The following PARD3B variants were observed in gnomAD, a reference collection of about 807,000 sequenced individuals.
The protein encoded by PARD3B is partitioning defective 3 homolog B.
PARD3B carries 103 observed loss-of-function variants against 130.2 expected under a neutral mutation model. That is an observed-to-expected ratio of 0.79 (90% CI 0.67 to 0.93). The LOEUF is 0.93. Among genes scored for constraint, PARD3B ranks in the 40% least tolerant of loss-of-function variants. The pLI is 0.00. For missense variants in PARD3B, 1,609 were observed against 1,499.2 expected, an observed-to-expected ratio of 1.07 and a Z score of -1.21; for synonymous variants, 583 against 553.2, an observed-to-expected ratio of 1.05 and a Z score of -0.76.
chr2:205,061,732 G>A (rs1020509450), intron 4 of PARD3B, among the ~76,000 whole-genome samples: 3 of 150,958 alleles, frequency 2.0e-5, no homozygotes, highest in Admixed American at 6.6e-5. Context: ...TTCCAAAGTC[G>A]AGCATTAAAT....
chr2:205,594,001 C>T (rs1355936940), intron 22 of PARD3B, among the ~76,000 whole-genome samples: 1 of 152,172 alleles, frequency 6.6e-6, no homozygotes, highest in Non-Finnish European at 1.5e-5. Flanking sequence ...GAAACCAATG[C>T]ACAGATAAGT....
At position 205,185,644 on chromosome 2, in the gene PARD3B, T is replaced by C. The variant is rs2036054750; in HGVS notation, c.1925-120T>C. On this transcript the variant is annotated intron_variant, in intron 13 of 22. Coordinates refer to ENST00000406610, the MANE Select transcript of PARD3B (RefSeq NM_001302769.2). ...CTTCAGTTCTGTATGAGAACTTATT[T>C]ATTTCAGGGCTGGTTTATGTGTTGG... 8 of 713,460 alleles carry C rather than the reference T, an allele frequency of 1.1e-5. No individual in the cohort carries two copies. In the Admixed American group the frequency reaches 1.3e-4, roughly 12 times the overall value. 44.2% of individuals were successfully genotyped at this position (713,460 alleles called of 1,614,324 possible).
At chr2:204,919,144 G>A (rs538571718) in intron 2 of PARD3B, among the ~76,000 whole-genome samples, 25 of 152,100 alleles carry the variant, frequency 1.6e-4, no homozygotes, top group African/African-American at 5.1e-4. Flanking sequence ...CTTTCAAGGC[G>A]TCTTATTTTT....
intron 1 of PARD3B, among the ~76,000 whole-genome samples, chr2:204,548,178 A>G (rs2030151084): frequency 6.6e-6 from 1 of 152,228 alleles, no homozygotes; most frequent in African/African-American, 2.4e-5. Flanking sequence ...TAAAAGGTCA[A>G]TAAATACCCT....
At chr2:205,601,805 AATC>A (rs2054796505) in intron 22 of PARD3B, among the ~76,000 whole-genome samples, 1 of 145,614 alleles carries the variant, frequency 6.9e-6, no homozygotes. Flanking sequence ...CTAGATATAG[AATC>A]ATGTCATCTG....
intron 22 of PARD3B, among the ~76,000 whole-genome samples, chr2:205,599,269 T>C (rs1007063544): frequency 8.5e-5 from 13 of 152,202 alleles, no homozygotes; most frequent in African/African-American, 3.1e-4. Context: ...AGGCTCATGG[T>C]AGATCTTACA....
intron 18 of PARD3B, among the ~76,000 whole-genome samples, chr2:205,355,431 A>G (rs1273712934): frequency 6.6e-6 from 1 of 152,222 alleles, no homozygotes; most frequent in African/African-American, 2.4e-5. Flanking sequence ...ATAAGGCCAA[A>G]ATTATTATTT....
chr2:204,869,148 G>T (rs1368289645), intron 2 of PARD3B, among the ~76,000 whole-genome samples: 1 of 152,138 alleles, frequency 6.6e-6, no homozygotes, highest in Non-Finnish European at 1.5e-5. Context: ...AAGCAAGGAG[G>T]TATTATATGT....
chr2:204,883,003 A>T (rs1409266569), intron 2 of PARD3B, among the ~76,000 whole-genome samples: 1 of 152,292 alleles, frequency 6.6e-6, no homozygotes, highest in Middle Eastern at 3.4e-3. Flanking sequence ...TCCTGTAAAG[A>T]CACCTTGTAG....
intron 22 of PARD3B, among the ~76,000 whole-genome samples, chr2:205,606,853 C>T (rs963039574): frequency 9.2e-5 from 14 of 152,256 alleles, no homozygotes; most frequent in Non-Finnish European, 1.6e-4. Flanking sequence ...CCCCCATAGC[C>T]ACAGGGATTC....
At chr2:204,835,914 G>C (rs1245049028) in intron 2 of PARD3B, among the ~76,000 whole-genome samples, 2 of 152,152 alleles carry the variant, frequency 1.3e-5, no homozygotes, top group Non-Finnish European at 2.9e-5. Flanking sequence ...CTGTATGTTA[G>C]GTATATTAAA....
rs1696022464 is a variant in PARD3B at position 205,015,016 on chromosome 2, A to G, written c.395-32565A>G. On this transcript the variant is annotated intron_variant, in intron 3 of 22. Coordinates refer to ENST00000406610, the MANE Select transcript of PARD3B (RefSeq NM_001302769.2). The surrounding 1 kb of genome is among the most constrained non-coding windows in gnomAD (Gnocchi z 4.5). ...GTCGAACAATGTGAGAGTTAGGGTT[A>G]CAGGGCCCACATACAGTTGAAAATC... Among the ~76,000 whole-genome samples the G allele has an allele frequency of 6.6e-6, 1 of 152,180 alleles. No homozygotes were observed.
chr2:204,560,536 A>G (rs1335819462), intron 1 of PARD3B, among the ~76,000 whole-genome samples: 1 of 147,116 alleles, frequency 6.8e-6, no homozygotes, highest in Non-Finnish European at 1.5e-5. Flanking sequence ...ATGCATGGAC[A>G]GTTGCCAGGG....
At chr2:204,793,959 T>C (rs6730405) in intron 2 of PARD3B, among the ~76,000 whole-genome samples, 20,498 of 152,132 alleles carry the variant, frequency 0.13, 1,901 homozygotes, top group African/African-American at 0.26. Context: ...TAACTTTTTT[T>C]CTGGCACTTT....
intron 2 of PARD3B, among the ~76,000 whole-genome samples, chr2:204,774,936 G>T (rs2041554030): frequency 1.3e-5 from 2 of 152,094 alleles, no homozygotes; most frequent in Non-Finnish European, 2.9e-5. Context: ...TCACAGATCA[G>T]CAACTCTTTC....
intron 10 of PARD3B, among the ~76,000 whole-genome samples, chr2:205,136,077 G>C (rs964121284): frequency 2.6e-5 from 4 of 152,114 alleles, no homozygotes; most frequent in Non-Finnish European, 5.9e-5. Flanking sequence ...CACTGATTGA[G>C]TTATATGAAG....
intron 2 of PARD3B, among the ~76,000 whole-genome samples, chr2:204,912,882 T>C (rs10490275): frequency 0.21 from 32,356 of 152,138 alleles, 4,231 homozygotes; most frequent in Non-Finnish European, 0.3. Context: ...TGTGTTCAAC[T>C]GGCTAATCTG....
intron 19 of PARD3B, among the ~76,000 whole-genome samples, chr2:205,427,846 G>A (rs557551643): frequency 2.6e-5 from 4 of 152,262 alleles, no homozygotes; most frequent in South Asian, 2.1e-4. Context: ...TAGAATACAC[G>A]TTTTGATTAT....
At chr2:204,714,864 A>T (rs776526228) in intron 2 of PARD3B, among the ~76,000 whole-genome samples, 11 of 152,202 alleles carry the variant, frequency 7.2e-5, no homozygotes, top group Non-Finnish European at 1.0e-4. Context: ...ACAATATGTT[A>T]TAGTGAGGTG....
Sources: gnomAD v4.1 joint callset for allele counts (sites outside exome capture counted in the v4.1 genomes callset) on GRCh38, gnomAD v4.1.1 for gene constraint, Gnocchi (gnomAD v3.1) non-coding constraint, MANE v1.5 for transcripts, NCBI Gene and HGNC (gene_info 2026-07-23, HGNC 2026-07-21) for gene names.